The following BRINP3 variants were observed in gnomAD, a reference collection of about 807,000 sequenced individuals.
BRINP3 encodes the protein BMP/retinoic acid inducible neural specific 3.
A neutral mutation model predicts 71.0 loss-of-function variants in BRINP3; 19 were observed. The observed-to-expected ratio is 0.27, with a 90% CI of 0.19 to 0.39. BRINP3 has a LOEUF of 0.39. BRINP3 is among the 10% of genes least tolerant of loss of function. The probability of loss-of-function intolerance (pLI) is 1.00; values close to 1 mark genes in which losing one functional copy is unlikely to be tolerated. For synonymous variants in BRINP3, 380 were observed against 337.7 expected (o/e 1.13, Z -1.37); for missense variants, 959 against 940.8 (o/e 1.02, Z -0.25).
chr1:190,148,020 G>A (rs978435880), intron 7 of BRINP3, among the ~76,000 whole-genome samples: 46 of 152,068 alleles, frequency 3.0e-4, no homozygotes, highest in African/African-American at 9.4e-4. Flanking sequence ...CAATAAGTAG[G>A]CTTTAAAATA....
intron 2 of BRINP3, among the ~76,000 whole-genome samples, chr1:190,289,354 ATG>A (rs1663678617): frequency 6.6e-6 from 1 of 151,982 alleles, no homozygotes; most frequent in Non-Finnish European, 1.5e-5. Flanking sequence ...GCAAATGAAA[ATG>A]TGTTGCTGCA....
intron 2 of BRINP3, among the ~76,000 whole-genome samples, chr1:190,387,444 C>T (rs150777626): frequency 1.4e-4 from 21 of 151,996 alleles, no homozygotes; most frequent in African/African-American, 4.8e-4. Flanking sequence ...CCGCATTGTA[C>T]TCTGCTCTGT....
At chr1:190,289,495 A>T (rs1255864996) in intron 2 of BRINP3, among the ~76,000 whole-genome samples, 1 of 151,938 alleles carries the variant, frequency 6.6e-6, no homozygotes, top group African/African-American at 2.4e-5. Context: ...AAAAAGTATA[A>T]ACTTAAGTTT....
intron 2 of BRINP3, among the ~76,000 whole-genome samples, chr1:190,354,771 G>GT (rs76406699): frequency 0.015 from 1,917 of 124,062 alleles, 22 homozygotes; most frequent in African/African-American, 0.034. Flanking sequence ...TCTTCTAAGT[G>GT]TTTTTTTTTT....
intron 2 of BRINP3, among the ~76,000 whole-genome samples, chr1:190,433,043 T>G (rs1268257607): frequency 6.6e-6 from 1 of 152,212 alleles, no homozygotes; most frequent in Non-Finnish European, 1.5e-5. Context: ...ATACATTGTT[T>G]CATTAACCTA....
chr1:190,317,225 A>T, intron 2 of BRINP3, among the ~76,000 whole-genome samples: 1 of 151,724 alleles, frequency 6.6e-6, no homozygotes, highest in East Asian at 1.9e-4. Context: ...AAAAACAACA[A>T]TTACTCTCAG....
At chr1:190,103,174 G>A (rs754575173) in intron 7 of BRINP3, among the ~76,000 whole-genome samples, 1 of 152,016 alleles carries the variant, frequency 6.6e-6, no homozygotes, top group Non-Finnish European at 1.5e-5. Flanking sequence ...TTCAGCAGAA[G>A]CTTTGGAATT....
At chr1:190,369,181 T>C (rs1190138388) in intron 2 of BRINP3, among the ~76,000 whole-genome samples, 2 of 152,162 alleles carry the variant, frequency 1.3e-5, no homozygotes, top group African/African-American at 4.8e-5. Flanking sequence ...GATAAGTGTT[T>C]AATATACTGA....
chr1:190,304,077 C>T (rs1664922489), intron 2 of BRINP3, among the ~76,000 whole-genome samples: 1 of 151,746 alleles, frequency 6.6e-6, no homozygotes, highest in Non-Finnish European at 1.5e-5. Flanking sequence ...GAATTCTACA[C>T]TTATGCAAGT....
chr1:190,309,177 A>G (rs969694069), intron 2 of BRINP3, among the ~76,000 whole-genome samples: 3 of 120,656 alleles, frequency 2.5e-5, no homozygotes, highest in African/African-American at 5.9e-5. Context: ...GCTAAGTGTA[A>G]TAAGTCCACA....
At chr1:190,214,502 C>G (rs1399874817) in intron 6 of BRINP3, among the ~76,000 whole-genome samples, 3 of 151,974 alleles carry the variant, frequency 2.0e-5, no homozygotes. Context: ...GAACTTCTCA[C>G]ATATTTTCAG....
chr1:190,200,535 A>G (rs1654910521), intron 6 of BRINP3, among the ~76,000 whole-genome samples: 1 of 152,148 alleles, frequency 6.6e-6, no homozygotes, highest in African/African-American at 2.4e-5. Flanking sequence ...GAAATTAAAC[A>G]TATCAGCTTA....
intron 2 of BRINP3, among the ~76,000 whole-genome samples, chr1:190,313,843 T>C (rs1356600980): frequency 1.3e-5 from 2 of 152,060 alleles, no homozygotes; most frequent in East Asian, 3.9e-4. Flanking sequence ...TTGCTTCAGC[T>C]TTGTCCTCCT....
intron 2 of BRINP3, among the ~76,000 whole-genome samples, chr1:190,393,440 A>G (rs1671378132): frequency 6.6e-6 from 1 of 151,630 alleles, no homozygotes; most frequent in Non-Finnish European, 1.5e-5. Context: ...AAGGAGAAAC[A>G]TAAATCAATA....
chr1:190,445,204 T>C (rs1051085950), intron 2 of BRINP3, among the ~76,000 whole-genome samples: 1 of 152,278 alleles, frequency 6.6e-6, no homozygotes. Flanking sequence ...CTATAAAGAT[T>C]GGTCTAATTA....
intron 3 of BRINP3, among the ~76,000 whole-genome samples, chr1:190,278,238 A>G (rs1387585961): frequency 6.6e-6 from 1 of 151,774 alleles, no homozygotes; most frequent in African/African-American, 2.4e-5. Flanking sequence ...GCACCTAGTC[A>G]TAATACAACT....
intron 6 of BRINP3, among the ~76,000 whole-genome samples, chr1:190,185,951 T>C (rs1653478424): frequency 6.6e-6 from 1 of 152,198 alleles, no homozygotes. Flanking sequence ...AAGAGGTTTG[T>C]TTGAGATAAT....
chr1:190,395,321 T>G (rs1313409570), intron 2 of BRINP3, among the ~76,000 whole-genome samples: 1 of 151,700 alleles, frequency 6.6e-6, no homozygotes. Flanking sequence ...CATTATGTGT[T>G]GAAAATAGCA....
At chr1:190,219,231 A>G (rs1280251441) in intron 6 of BRINP3, among the ~76,000 whole-genome samples, 1 of 152,056 alleles carries the variant, frequency 6.6e-6, no homozygotes, top group Admixed American at 6.6e-5. Flanking sequence ...CAAACAGGAA[A>G]CCATGACCTC....
Sources: gnomAD v4.1 joint callset for allele counts (sites outside exome capture counted in the v4.1 genomes callset) on GRCh38, gnomAD v4.1.1 for gene constraint, MANE v1.5 for transcripts, NCBI Gene and HGNC (gene_info 2026-07-23, HGNC 2026-07-21) for gene names.